The following SEMA3E variants were observed in gnomAD, a reference collection of about 807,000 sequenced individuals.
The protein encoded by SEMA3E is semaphorin-3E.
SEMA3E carries 49 observed loss-of-function variants against 93.6 expected under a neutral mutation model. The observed-to-expected ratio is 0.52, with a 90% CI of 0.42 to 0.66. The LOEUF is 0.66. Among genes scored for constraint, SEMA3E ranks in the 30% least tolerant of loss-of-function variants. SEMA3E has a pLI of 0.00. For synonymous variants in SEMA3E, 363 were observed against 330.7 expected, an observed-to-expected ratio of 1.10 and a Z score of -1.06; for missense variants, 906 against 964.8, an observed-to-expected ratio of 0.94 and a Z score of 0.81.
At chr7:83,369,965 C>T (rs1265853708) in intron 16 of SEMA3E, among the ~76,000 whole-genome samples, 2 of 152,136 alleles carry the variant, frequency 1.3e-5, no homozygotes, top group Non-Finnish European at 2.9e-5. Flanking sequence ...TGGATGAAAT[C>T]TGCCTCCTTA....
Position 83,548,612 on chromosome 7 carries a change from C to G in SEMA3E, c.116-58338G>C, listed in dbSNP as rs144449542. ...TTTGGTCTTTGGTCCACCTGGTCACCTCTGTTAATATTTGTAGTCCCAGGC... is the reference window on the plus strand; with the variant it reads ...TTTGGTCTTTGGTCCACCTGGTCACGTCTGTTAATATTTGTAGTCCCAGGC... On this transcript the variant is annotated intron_variant, in intron 1 of 16. Transcript: ENST00000643230. 1.2e-3 allele frequency among the ~76,000 whole-genome samples: 183 copies of G among 152,014 alleles called. 1 individual carries two copies. Among genetic ancestry groups the G allele is most frequent in the African/African-American group, 4.2e-3 (175 of 41,492 alleles).
At chr7:83,641,875 C>T (rs1160552978) in intron 1 of SEMA3E, among the ~76,000 whole-genome samples, 1 of 152,166 alleles carries the variant, frequency 6.6e-6, no homozygotes, top group Non-Finnish European at 1.5e-5. Context: ...GTATTCTGCA[C>T]AGTAATCTGC....
intron 16 of SEMA3E, among the ~76,000 whole-genome samples, chr7:83,381,648 A>G (rs1787781447): frequency 1.3e-5 from 2 of 151,996 alleles, no homozygotes; most frequent in South Asian, 4.1e-4. Flanking sequence ...AAGGCAGGAC[A>G]TAGTAAGTGC....
In SEMA3E at chr7:83,367,356, C is replaced by A; in HGVS notation, c.*230G>T. ...ACAGCTACAGTTGTTTTTTGATAAA[C>A]ATAATGAGAAACCATTAAGCAATGC... On this transcript the variant is annotated 3_prime_UTR_variant, in exon 17 of 17. Coordinates refer to ENST00000643230, the MANE Select transcript of SEMA3E (RefSeq NM_012431.3). 1 of 491,096 alleles carries A rather than the reference C, an allele frequency of 2.0e-6. No homozygotes were observed. 30.4% of individuals were successfully genotyped at this position (491,096 alleles called of 1,614,324 possible). A position where few individuals can be genotyped will look rare whatever the true frequency, so the allele number is the denominator to read the frequency against.
intron 1 of SEMA3E, among the ~76,000 whole-genome samples, chr7:83,512,761 C>T (rs943043130): frequency 6.6e-6 from 1 of 152,070 alleles, no homozygotes; most frequent in Non-Finnish European, 1.5e-5. Context: ...AACGTATATA[C>T]ATTGTGCCTG....
intron 1 of SEMA3E, among the ~76,000 whole-genome samples, chr7:83,643,430 T>C (rs773847842): frequency 6.6e-6 from 1 of 152,030 alleles, no homozygotes; most frequent in Non-Finnish European, 1.5e-5. Context: ...CCAGTTCATA[T>C]ATAAATTCAC....
intron 4 of SEMA3E, among the ~76,000 whole-genome samples, chr7:83,447,302 C>T (rs778640448): frequency 4.6e-5 from 7 of 152,026 alleles, no homozygotes; most frequent in East Asian, 1.9e-4. Context: ...CTTGGGAGGC[C>T]GAGGTGGGTG....
At chr7:83,645,390 ACT>A (rs1794066303) in intron 1 of SEMA3E, among the ~76,000 whole-genome samples, 1 of 151,994 alleles carries the variant, frequency 6.6e-6, no homozygotes, top group Non-Finnish European at 1.5e-5. Context: ...ATACAGCCAA[ACT>A]CAACTCAAAT....
intron 1 of SEMA3E, among the ~76,000 whole-genome samples, chr7:83,569,594 CAG>C (rs955386865): frequency 3.9e-5 from 6 of 151,994 alleles, no homozygotes; most frequent in African/African-American, 1.5e-4. Context: ...ATTCTTATAA[CAG>C]ATAAAGTAGA....
chr7:83,639,124 A>ACAAAC (rs1562865986), intron 1 of SEMA3E, among the ~76,000 whole-genome samples: 15 of 138,108 alleles, frequency 1.1e-4, no homozygotes, highest in African/African-American at 4.1e-4. Context: ...AAAAAAAAAA[A>ACAAAC]AAAAAAAAAA....
intron 4 of SEMA3E, among the ~76,000 whole-genome samples, chr7:83,464,992 A>T (rs1240198135): frequency 7.1e-6 from 1 of 140,408 alleles, no homozygotes; most frequent in East Asian, 2.2e-4. Flanking sequence ...GCACGTATAC[A>T]CCCAGATGGC....
At chr7:83,572,197 A>ATT (rs56192493) in intron 1 of SEMA3E, among the ~76,000 whole-genome samples, 6 of 140,454 alleles carry the variant, frequency 4.3e-5, no homozygotes, top group South Asian at 2.2e-4. Context: ...TACCAACATA[A>ATT]TTTTTTTTTG....
chr7:83,433,269 A>G (rs2713160), intron 4 of SEMA3E, among the ~76,000 whole-genome samples: 110,771 of 151,904 alleles, frequency 0.73, 41,030 homozygotes, highest in East Asian at 1. Context: ...ATGTAAATGT[A>G]ATATATATAT....
chr7:83,648,371 T>TTTTTTC (rs1175546007), intron 1 of SEMA3E, 57 bp downstream of exon 1: 59 of 1,359,700 alleles, frequency 4.3e-5, no homozygotes, highest in East Asian at 9.5e-5. Flanking sequence ...TTTTTTTTTC[T>TTTTTTC]TTTTTCTTTT....
rs200039478 is a variant in SEMA3E at position 83,622,143 on chromosome 7, GA to G, written c.115+26284del. Among the ~76,000 whole-genome samples, 116 of 145,076 alleles carry G rather than the reference GA, an allele frequency of 8.0e-4. 1 individual carries two copies. The South Asian group carries it at 0.012, about 15-fold the overall frequency. ...ACGAGGAACTTAAACAAATTTACAA[GA>G]AAAAAAAAACACTTAAAAGTGGGCA... On this transcript the variant is annotated intron_variant, in intron 1 of 16. Coordinates refer to ENST00000643230, the MANE Select transcript of SEMA3E (RefSeq NM_012431.3).
At chr7:83,478,664 T>C (rs1790073626) in intron 2 of SEMA3E, among the ~76,000 whole-genome samples, 1 of 152,214 alleles carries the variant, frequency 6.6e-6, no homozygotes, top group African/African-American at 2.4e-5. Flanking sequence ...TCTTCTCTAC[T>C]ACTGTCACTA....
intron 1 of SEMA3E, among the ~76,000 whole-genome samples, chr7:83,502,392 G>A (rs1219893932): frequency 6.6e-6 from 1 of 152,008 alleles, no homozygotes; most frequent in Non-Finnish European, 1.5e-5. Context: ...ATTACCTCTT[G>A]GTTGCCTACC....
At chr7:83,550,056 T>C (rs941376797) in intron 1 of SEMA3E, among the ~76,000 whole-genome samples, 7 of 143,372 alleles carry the variant, frequency 4.9e-5, no homozygotes, top group African/African-American at 1.9e-4. Flanking sequence ...TTTACGCCAT[T>C]TGAGGTTACA....
At chr7:83,487,778 A>C (rs995626434) in intron 2 of SEMA3E, among the ~76,000 whole-genome samples, 1 of 151,678 alleles carries the variant, frequency 6.6e-6, no homozygotes, top group African/African-American at 2.4e-5. Flanking sequence ...ATATGTTTGA[A>C]GTCAAAAGAG....
Sources: gnomAD v4.1 joint callset for allele counts (sites outside exome capture counted in the v4.1 genomes callset) on GRCh38, gnomAD v4.1.1 for gene constraint, MANE v1.5 for transcripts, NCBI Gene and HGNC (gene_info 2026-07-23, HGNC 2026-07-21) for gene names.